The following PKNOX2 variants were observed in gnomAD, a reference collection of about 807,000 sequenced individuals.
PKNOX2 encodes the protein homeobox protein PKNOX2.
In PKNOX2, 14 loss-of-function variants were observed where a neutral mutation model predicts 53.1. That is an observed-to-expected ratio of 0.26 (90% CI 0.17 to 0.41). The LOEUF (loss-of-function observed/expected upper bound fraction) is 0.41, where lower values mean the gene tolerates loss of function less well. Among genes scored for constraint, PKNOX2 ranks in the 10% least tolerant of loss-of-function variants. The probability of loss-of-function intolerance (pLI) is 1.00; values close to 1 mark genes in which losing one functional copy is unlikely to be tolerated. For synonymous variants in PKNOX2, 257 were observed against 242.8 expected (o/e 1.06, Z -0.54); for missense variants, 496 against 602.8 (o/e 0.82, Z 1.85).
At chr11:125,266,449 G>A (rs765868048) in intron 2 of PKNOX2, among the ~76,000 whole-genome samples, 28 of 152,182 alleles carry the variant, frequency 1.8e-4, no homozygotes, top group Non-Finnish European at 3.5e-4. Context: ...AAATGCCTGC[G>A]AGACAGAGGC....
chr11:125,394,375 T>C (rs548734742), intron 6 of PKNOX2, among the ~76,000 whole-genome samples: 1 of 152,316 alleles, frequency 6.6e-6, no homozygotes, highest in East Asian at 1.9e-4. Context: ...GTGGTACTTC[T>C]TAGGAGGAGA....
intron 2 of PKNOX2, among the ~76,000 whole-genome samples, chr11:125,318,083 C>A (rs2136047468): frequency 6.6e-6 from 1 of 152,128 alleles, no homozygotes; most frequent in East Asian, 1.9e-4. Context: ...CCTCATAAAC[C>A]AACCTCTGCT....
At position 125,432,748 on chromosome 11, in the gene PKNOX2, T is replaced by C. The variant is rs1956758759; in HGVS notation, c.*1356T>C. The C allele has an allele frequency of 6.5e-6, 1 of 152,704 alleles. No homozygotes were observed. The highest frequency in any genetic ancestry group is 2.1e-4 in the South Asian group (1 of 4,830). The allele number at this position is 152,704 out of a possible 1,614,324, so 9.5% of individuals were successfully genotyped here. On this transcript the variant is annotated 3_prime_UTR_variant, in exon 13 of 13. Transcript: ENST00000298282. ...TTCCCTCTCACCCCATGGCTGTGAA[T>C]GACAGGACAGGTCACACGTGTGTTT...
At chr11:125,360,575 A>G (rs962587840) in intron 4 of PKNOX2, among the ~76,000 whole-genome samples, 1 of 152,154 alleles carries the variant, frequency 6.6e-6, no homozygotes, top group Non-Finnish European at 1.5e-5. Flanking sequence ...CTTCTGTGAC[A>G]CCAGGGGCCG....
intron 4 of PKNOX2, among the ~76,000 whole-genome samples, chr11:125,360,106 A>T (rs1484643530): frequency 6.6e-6 from 1 of 150,974 alleles, no homozygotes; most frequent in Non-Finnish European, 1.5e-5. Context: ...AGATGGTGCC[A>T]TTGCACTCCA....
chr11:125,379,471 G>C (rs1456491009), intron 5 of PKNOX2, among the ~76,000 whole-genome samples: 1 of 152,154 alleles, frequency 6.6e-6, no homozygotes, highest in Admixed American at 6.5e-5. Context: ...AGGAAGTTGC[G>C]GGGTCCATTC....
chr11:125,343,171 T>C (rs779433027), intron 3 of PKNOX2, among the ~76,000 whole-genome samples: 1 of 152,058 alleles, frequency 6.6e-6, no homozygotes, highest in Non-Finnish European at 1.5e-5. Context: ...TACCCTAAGT[T>C]GAACATCACT....
At chr11:125,268,892 G>A (rs773710687) in intron 2 of PKNOX2, among the ~76,000 whole-genome samples, 4 of 142,098 alleles carry the variant, frequency 2.8e-5, no homozygotes, top group East Asian at 2.3e-4. Flanking sequence ...TCATTCTGGC[G>A]CCAGCAGCCC....
chr11:125,291,402 A>G (rs1947296473), intron 2 of PKNOX2, among the ~76,000 whole-genome samples: 1 of 152,090 alleles, frequency 6.6e-6, no homozygotes, highest in East Asian at 1.9e-4. Context: ...CGAGTGTGCT[A>G]TGTGAGCTCC....
chr11:125,222,389 G>T (rs918235414), intron 1 of PKNOX2, among the ~76,000 whole-genome samples: 19 of 152,102 alleles, frequency 1.2e-4, no homozygotes, highest in Admixed American at 1.2e-3. Flanking sequence ...TGGTGGAGCA[G>T]TTTGATGTTT....
At chr11:125,233,465 G>C (rs1320638273) in intron 1 of PKNOX2, among the ~76,000 whole-genome samples, 1 of 152,246 alleles carries the variant, frequency 6.6e-6, no homozygotes, top group Admixed American at 6.5e-5. Context: ...TGCTTGGAAT[G>C]ATGAGAGTCC....
At position 125,325,753 on chromosome 11, in the gene PKNOX2, G is replaced by A. The variant is rs181871811; in HGVS notation, c.-129-6066G>A. ...ACCATTTTACAGAAGTAGGAAAACC[G>A]TGACTTATACAGCTAGGAAAACAGA... On this transcript the variant is annotated intron_variant, in intron 2 of 12. Transcript: ENST00000298282. Among the ~76,000 whole-genome samples the A allele has an allele frequency of 1.6e-3, 242 of 152,258 alleles. 2 individuals are homozygous for A. The highest frequency in any genetic ancestry group is 5.0e-4 in the Non-Finnish European group (34 of 68,014).
chr11:125,333,770 T>G (rs1950274940), intron 3 of PKNOX2, among the ~76,000 whole-genome samples: 2 of 152,340 alleles, frequency 1.3e-5, no homozygotes, highest in Middle Eastern at 6.8e-3. Context: ...TCTCTTTTTT[T>G]AAAATCGTTT....
chr11:125,292,260 G>A (rs1258542432), intron 2 of PKNOX2, among the ~76,000 whole-genome samples: 3 of 152,180 alleles, frequency 2.0e-5, no homozygotes, highest in African/African-American at 7.2e-5. Context: ...TCCTGCATCT[G>A]CATCTGCTAC....
At chr11:125,192,036 CAG>C (rs1234986827) in intron 1 of PKNOX2, among the ~76,000 whole-genome samples, 2 of 151,782 alleles carry the variant, frequency 1.3e-5, no homozygotes, top group Admixed American at 1.3e-4. Flanking sequence ...GACATCTGAG[CAG>C]AGAGAGGGAT....
chr11:125,325,050 C>A (rs1241422422), intron 2 of PKNOX2, among the ~76,000 whole-genome samples: 2 of 152,138 alleles, frequency 1.3e-5, no homozygotes, highest in African/African-American at 4.8e-5. Context: ...TCCTGCTGGG[C>A]AAGTGAAAGG....
At chr11:125,404,471 G>T (rs887181148) in intron 7 of PKNOX2, among the ~76,000 whole-genome samples, 1 of 152,164 alleles carries the variant, frequency 6.6e-6, no homozygotes, top group African/African-American at 2.4e-5. Context: ...TGGCTTTCCC[G>T]AGTTTGGGAA....
rs376281538 is a variant in PKNOX2 at position 125,411,885 on chromosome 11, G to A, written c.936+20G>A. ...CTCATGGTGAGTGTGTGTGTCTTGG[G>A]GGTGTGGAGTCCCGGCATGGGGTAT... is the stretch of plus-strand genomic sequence containing the variant. On this transcript the variant is annotated intron_variant, in intron 10 of 12. Transcript: ENST00000298282. 2 of 1,613,854 alleles carry A rather than the reference G, an allele frequency of 1.2e-6. No homozygotes were observed. The highest frequency in any genetic ancestry group is 1.7e-6 in the Non-Finnish European group (2 of 1,179,832).
At chr11:125,320,955 T>C (rs1949483653) in intron 2 of PKNOX2, among the ~76,000 whole-genome samples, 1 of 152,202 alleles carries the variant, frequency 6.6e-6, no homozygotes, top group South Asian at 2.1e-4. Flanking sequence ...CTCTCAAAAT[T>C]ACTCCAGTTT....
Sources: gnomAD v4.1 joint callset for allele counts (sites outside exome capture counted in the v4.1 genomes callset) on GRCh38, gnomAD v4.1.1 for gene constraint, MANE v1.5 for transcripts, NCBI Gene and HGNC (gene_info 2026-07-23, HGNC 2026-07-21) for gene names.